The following LYST variants were observed in gnomAD, a reference collection of about 807,000 sequenced individuals.
The protein encoded by LYST is lysosomal trafficking regulator.
Under a neutral mutation model 413.6 loss-of-function variants are expected in LYST, and 192 were observed. The observed-to-expected ratio is 0.46, with a 90% CI of 0.41 to 0.52. The LOEUF (loss-of-function observed/expected upper bound fraction) is 0.52. LYST is among the 20% of genes least tolerant of loss of function. LYST has a pLI of 0.00. For synonymous variants in LYST, 1,525 were observed against 1,567.3 expected (o/e 0.97, Z 0.64); for missense variants, 3,815 against 4,499.9 (o/e 0.85, Z 4.35).
Position 235,777,061 on chromosome 1 carries a change from A to G in LYST, c.5460+2T>C. The G allele has an allele frequency of 6.2e-7, 1 of 1,612,876 alleles. No individual in the cohort carries two copies. Among genetic ancestry groups the G allele is most frequent in the South Asian group, 1.1e-5 (1 of 91,072 alleles). Reference sequence around the variant, plus strand: ...GACAAAACTATAAGCAGTGATTCTTACCCTGGCAAAGAGAAAAACAAATAT... The same window carrying G: ...GACAAAACTATAAGCAGTGATTCTTGCCCTGGCAAAGAGAAAAACAAATAT... On this transcript the variant is annotated splice_donor_variant, in intron 17 of 52. Coordinates refer to ENST00000389793, the MANE Select transcript of LYST (RefSeq NM_000081.4). LOFTEE classifies it high-confidence loss of function.
intron 10 of LYST, 62 bp downstream of exon 10, chr1:235,800,255 CCAT>C: frequency 9.2e-7 from 1 of 1,087,052 alleles, no homozygotes; most frequent in East Asian, 2.4e-5. Context: ...TGGCCAGAAG[CCAT>C]TATTATCAAC....
At chr1:235,841,436 T>C (rs1677188945) in intron 1 of LYST, among the ~76,000 whole-genome samples, 1 of 152,214 alleles carries the variant, frequency 6.6e-6, no homozygotes, top group African/African-American at 2.4e-5. Context: ...TTGTGTGTAC[T>C]TCTTCCCAGC....
At chr1:235,880,048 C>T (rs1206634219) in intron 1 of LYST, among the ~76,000 whole-genome samples, 1 of 152,128 alleles carries the variant, frequency 6.6e-6, no homozygotes, top group African/African-American at 2.4e-5. Context: ...GAGAATGGAT[C>T]TAAGTTTCTC....
At chr1:235,709,370 A>G (rs1485381945) in intron 43 of LYST, 62 bp from the exon 44 acceptor site, 5 of 1,318,512 alleles carry the variant, frequency 3.8e-6, no homozygotes, top group Non-Finnish European at 5.3e-6. Context: ...TCAGCTACAG[A>G]GCAGGTCTTA....
Position 235,706,842 on chromosome 1 carries a change from G to A in LYST, c.10143+2249C>T, listed in dbSNP as rs547506467. Among the ~76,000 whole-genome samples the A allele has an allele frequency of 3.9e-5, 6 of 152,020 alleles. No individual in the cohort carries two copies. In the East Asian group the frequency reaches 9.6e-4, roughly 24 times the overall value. On this transcript the variant is annotated intron_variant, in intron 44 of 52. Transcript: ENST00000389793. ...AATTTAATTTTATATGACTTCAGAC[G>A]TACTCAAAATAATTATGGAACAAAA...
intron 1 of LYST, among the ~76,000 whole-genome samples, chr1:235,856,141 G>A (rs1370596904): frequency 5.3e-5 from 8 of 152,134 alleles, no homozygotes; most frequent in Middle Eastern, 3.4e-3. Context: ...TATCATACTC[G>A]GTAGTTTCTA....
chr1:235,774,067 T>C, intron 18 of LYST, 76 bp from the exon 19 acceptor site: 4 of 968,322 alleles, frequency 4.1e-6, no homozygotes, highest in South Asian at 1.4e-5. Flanking sequence ...CATTAAGCTT[T>C]CAATTTTAGC....
At chr1:235,801,804 A>G (rs1672260683) in intron 8 of LYST, among the ~76,000 whole-genome samples, 1 of 152,224 alleles carries the variant, frequency 6.6e-6, no homozygotes, top group Non-Finnish European at 1.5e-5. Flanking sequence ...TCATGGGTCC[A>G]TCAAGCCCTT....
At chr1:235,730,820 A>G in intron 36 of LYST, 27 bp downstream of exon 36, 5 of 1,254,120 alleles carry the variant, frequency 4.0e-6, no homozygotes, top group Non-Finnish European at 5.9e-6. Context: ...TTCATGAAAG[A>G]GTGAAGGTCT....
At chr1:235,698,290 A>G (rs531529829) in intron 45 of LYST, among the ~76,000 whole-genome samples, 1 of 152,180 alleles carries the variant, frequency 6.6e-6, no homozygotes, top group South Asian at 2.1e-4. Flanking sequence ...TGCTTATGTC[A>G]TTTTCCAAAT....
intron 9 of LYST, among the ~76,000 whole-genome samples, 192 bp downstream of exon 9, chr1:235,800,679 T>G (rs915860259): frequency 2.0e-5 from 3 of 152,230 alleles, no homozygotes; most frequent in Admixed American, 2.0e-4. Context: ...ACATTAATTT[T>G]CTATGCTACT....
chr1:235,739,605 A>G (rs1003420024), intron 31 of LYST, among the ~76,000 whole-genome samples: 2 of 121,778 alleles, frequency 1.6e-5, no homozygotes, highest in African/African-American at 7.7e-5. Flanking sequence ...AACCTTGAAC[A>G]GTGAAAAAAA....
At chr1:235,690,075 T>C (rs1159118988) in intron 47 of LYST, among the ~76,000 whole-genome samples, 2 of 152,242 alleles carry the variant, frequency 1.3e-5, no homozygotes, top group East Asian at 1.9e-4. Context: ...AAGAATTTGA[T>C]TGAAAGCTTA....
At chr1:235,731,243 C>A (rs1236997323) in intron 34 of LYST, 66 bp from the exon 35 acceptor site, 4 of 1,407,392 alleles carry the variant, frequency 2.8e-6, no homozygotes, top group Non-Finnish European at 4.0e-6. Context: ...TAAAAAAAAT[C>A]ATTATAGAGA....
chr1:235,726,741 C>G (rs1663907833), intron 38 of LYST, among the ~76,000 whole-genome samples: 1 of 152,024 alleles, frequency 6.6e-6, no homozygotes, highest in Non-Finnish European at 1.5e-5. Flanking sequence ...CTTCCCAGAC[C>G]AAGTATTTGT....
At position 235,695,629 on chromosome 1, in the gene LYST, A is replaced by ATTTTT. The variant is rs148101450; in HGVS notation, c.10564+1449_10564+1453dup. 2.1e-4 allele frequency among the ~76,000 whole-genome samples: 24 copies of ATTTTT among 116,418 alleles called. 1 individual carries two copies. The highest frequency in any genetic ancestry group is 6.1e-4 in the African/African-American group (18 of 29,538). 76.4% of individuals were successfully genotyped at this position (116,418 alleles called of 152,430 possible). A position where few individuals can be genotyped will look rare whatever the true frequency, so the allele number is the denominator to read the frequency against. On this transcript the variant is annotated intron_variant, in intron 46 of 52. Transcript: ENST00000389793. Reference sequence around the variant, plus strand: ...CAGAGAGAAACTTTACAGTACTCTAATTTTTTTTTTTTTTTTTTTTTGAGA... The same window carrying ATTTTT: ...CAGAGAGAAACTTTACAGTACTCTAATTTTTTTTTTTTTTTTTTTTTTTTTTGAGA...
intron 1 of LYST, among the ~76,000 whole-genome samples, chr1:235,837,464 C>A (rs569101190): frequency 6.6e-6 from 1 of 151,780 alleles, no homozygotes; most frequent in Non-Finnish European, 1.5e-5. Context: ...CCCATCTCTA[C>A]TAAAAATACA....
chr1:235,762,126 TA>T (rs1305076553), intron 22 of LYST, among the ~76,000 whole-genome samples: 8 of 147,320 alleles, frequency 5.4e-5, no homozygotes, highest in South Asian at 2.1e-4. Context: ...AGTGTAATTA[TA>T]AAAAAAAAAG....
At position 235,714,313 on chromosome 1, in the gene LYST, A is replaced by T. The variant is rs543563651; in HGVS notation, c.9784+888T>A. Reference sequence around the variant, plus strand: ...CAATCTGCCGTCAAATTAACCAAGGATAATTAGCCAGGGGAAAAACAAGAG... The same window carrying T: ...CAATCTGCCGTCAAATTAACCAAGGTTAATTAGCCAGGGGAAAAACAAGAG... On this transcript the variant is annotated intron_variant, in intron 42 of 52. Coordinates refer to ENST00000389793, the MANE Select transcript of LYST (RefSeq NM_000081.4). 1.1e-4 allele frequency among the ~76,000 whole-genome samples: 16 copies of T among 152,334 alleles called. No homozygotes were observed. In the East Asian group the frequency reaches 3.1e-3, roughly 29 times the overall value.
Sources: allele counts gnomAD v4.1 joint callset (sites outside exome capture counted in the v4.1 genomes callset), GRCh38; gene constraint gnomAD v4.1.1; transcripts MANE v1.5; gene names NCBI Gene and HGNC (gene_info 2026-07-23, HGNC 2026-07-21).